The following MUC17 variants were observed in gnomAD, a reference collection of about 807,000 sequenced individuals.
MUC17 encodes mucin-17.
A neutral mutation model predicts 170.3 loss-of-function variants in MUC17; 190 were observed. That is an observed-to-expected ratio of 1.12 (90% confidence interval 0.99 to 1.26). MUC17 has a LOEUF of 1.26. MUC17 is among the 50% of genes most tolerant of loss of function. The pLI, the probability that MUC17 is intolerant of heterozygous loss-of-function variation, is 0.00. For missense variants in MUC17, 6,415 were observed against 5,530.0 expected, an observed-to-expected ratio of 1.16 and a Z score of -5.08; for synonymous variants, 2,325 against 2,002.5, an observed-to-expected ratio of 1.16 and a Z score of -4.30.
At chr7:101,026,489 A>G (rs1794180782) in intron 1 of MUC17, among the ~76,000 whole-genome samples, 1 of 152,220 alleles carries the variant, frequency 6.6e-6, no homozygotes, top group Non-Finnish European at 1.5e-5. Context: ...GTGCTGAGAT[A>G]ATGGGGCTGA....
rs2116468976 is a variant in MUC17 at position 101,047,854 on chromosome 7, T to A, written c.12404-130T>A. The A allele has an allele frequency of 3.5e-6, 4 of 1,129,896 alleles. No homozygotes were observed. In the South Asian group the frequency reaches 7.0e-5, roughly 20 times the overall value. 70.0% of individuals were successfully genotyped at this position (1,129,896 alleles called of 1,614,324 possible). A position where few individuals can be genotyped will look rare whatever the true frequency, so the allele number is the denominator to read the frequency against. ...CTCAAAAAACAAACAAATTAGACAG[T>A]GTCCGTGCAAACGCATTGTAAGCTG... On this transcript the variant is annotated intron_variant, in intron 3 of 12. Coordinates refer to ENST00000306151, the MANE Select transcript of MUC17 (RefSeq NM_001040105.2).
chr7:101,045,309 T>A (rs552273269), intron 3 of MUC17, among the ~76,000 whole-genome samples: 27 of 152,368 alleles, frequency 1.8e-4, no homozygotes, highest in African/African-American at 6.3e-4. Flanking sequence ...CTTCAGCTTT[T>A]GACTACTACA....
rs567129894 is a variant in MUC17 at position 101,031,855 on chromosome 7, G to C, written c.439G>C (p.Val147Leu). 6.2e-7 allele frequency: 1 copy of C among 1,614,118 alleles called. No individual in the cohort carries two copies. Among genetic ancestry groups the C allele is most frequent in the South Asian group, 1.1e-5 (1 of 91,082 alleles). The change falls in exon 3 of 13, where the codon GTG becomes CTG. Residue 147 changes from valine to leucine, a missense_variant. Val to Leu is a conservative substitution (Grantham distance 32, BLOSUM62 1). Coordinates refer to ENST00000306151, the MANE Select transcript of MUC17 (RefSeq NM_001040105.2). The part of the protein sequence containing the change: ...SSPTTPEGTD[V>L]PMSTPSEESI... ...TCCTACAACTCCTGAAGGCACCGAC[G>C]TGCCCATGTCAACACCAAGTGAAGA... is the stretch of plus-strand genomic sequence containing the variant.
In MUC17 at chr7:101,040,473, C is replaced by T; in HGVS notation, c.9057C>T (p.Thr3019=). The T allele has an allele frequency of 6.2e-7, 1 of 1,612,354 alleles. No homozygotes were observed. Among genetic ancestry groups the T allele is most frequent in the Non-Finnish European group, 8.5e-7 (1 of 1,179,246 alleles). ...RTPADTSTPV[T]TSTEASSSPT... is the part of the protein sequence containing the mutation. ...CTGCTGACACCAGCACACCTGTGAC[C>T]ACTTCTACTGAAGCCAGTTCCTCTC... Residue 3019 remains threonine (T), a synonymous_variant, in exon 3 of 13, where the codon ACC becomes ACT. Transcript: ENST00000306151.
At chr7:101,052,927 C>G in intron 9 of MUC17, 59 bp from the exon 10 acceptor site, 1 of 1,571,494 alleles carries the variant, frequency 6.4e-7, no homozygotes, top group Non-Finnish European at 8.6e-7. Context: ...GGGCCCAGGT[C>G]TGAAGCTGGT....
At position 101,034,423 on chromosome 7, in the gene MUC17, C is replaced by T. The variant is rs78330257; in HGVS notation, c.3007C>T (p.Leu1003Phe). Residue 1003 changes from leucine (L) to phenylalanine (F), a missense_variant, in exon 3 of 13, where the codon CTT becomes TTT. Transcript: ENST00000306151. ...TLVANSEAST[L>F]STTPVDSNTP... Reference sequence around the variant, plus strand: ...GGTGGCCAATTCTGAGGCTAGCACCCTTTCAACAACTCCTGTTGACTCCAA... The same window carrying T: ...GGTGGCCAATTCTGAGGCTAGCACCTTTTCAACAACTCCTGTTGACTCCAA... 0.068 allele frequency: 95,707 copies of T among 1,411,732 alleles called. No homozygotes were observed. The highest frequency in any genetic ancestry group is 0.21 in the African/African-American group (13,394 of 62,494). 87.5% of individuals were successfully genotyped at this position (1,411,732 alleles called of 1,614,324 possible).
chr7:101,036,807 C>A lies in MUC17; in HGVS notation c.5391C>A (p.Ser1797Arg). 3 of 1,605,636 alleles carry A rather than the reference C, an allele frequency of 1.9e-6. No individual in the cohort carries two copies. Among genetic ancestry groups the A allele is most frequent in the Non-Finnish European group, 2.6e-6 (3 of 1,175,660 alleles). The change falls in exon 3 of 13, where the codon AGC becomes AGA. Residue 1797 changes from serine (S) to arginine (R), a missense_variant. Ser to Arg is a moderately radical substitution (Grantham distance 110, BLOSUM62 -1). Transcript: ENST00000306151. Reference protein sequence around the residue: ...TSSPTTAEGTSIPTSTLSEGM... With the variant: ...TSSPTTAEGTRIPTSTLSEGM... ...CTCCTACAACTGCTGAAGGTACCAG[C>A]ATACCAACCTCGACTCTTAGTGAAG...
intron 3 of MUC17, among the ~76,000 whole-genome samples, chr7:101,045,010 G>A (rs1487930261): frequency 6.6e-6 from 1 of 152,080 alleles, no homozygotes; most frequent in East Asian, 1.9e-4. Context: ...TCTGACTCAA[G>A]AACTTTCACT....
chr7:101,040,829 C>A lies in MUC17; in HGVS notation c.9413C>A (p.Thr3138Asn), dbSNP rs768402298. The change falls in exon 3 of 13, where the codon ACT (threonine) becomes AAT (asparagine). Residue 3138 changes from threonine (T) to asparagine (N), a missense_variant. Coordinates refer to ENST00000306151, the MANE Select transcript of MUC17 (RefSeq NM_001040105.2). ...TPVDTSTPVTTSTEAHSSPTT... is the reference protein window; with the variant it reads ...TPVDTSTPVTNSTEAHSSPTT... ...GTTGACACCAGCACACCTGTGACCACTTCTACTGAAGCCCATTCATCTCCT... is the reference window on the plus strand; with the variant it reads ...GTTGACACCAGCACACCTGTGACCAATTCTACTGAAGCCCATTCATCTCCT... The A allele has an allele frequency of 3.7e-6, 6 of 1,613,558 alleles. No homozygotes were observed. Among genetic ancestry groups the A allele is most frequent in the East Asian group, 4.5e-5 (2 of 44,880 alleles).
rs1011902733 is a variant in MUC17, at chr7:101,043,628, C to G, written c.12212C>G (p.Ser4071Cys). The G allele has an allele frequency of 6.2e-7, 1 of 1,614,052 alleles. No homozygotes were observed. The highest frequency in any genetic ancestry group is 1.3e-5 in the African/African-American group (1 of 74,918). The change falls in exon 3 of 13, where the codon TCC becomes TGC. Residue 4071 changes from serine to cysteine, a missense_variant. Transcript: ENST00000306151. Reference protein sequence around the residue: ...TIPPTFPPAHSSTPPTTSASS... With the variant: ...TIPPTFPPAHCSTPPTTSASS... ...CCACCTACATTTCCTCCTGCTCACTCCAGTACACCTCCAACAACCTCTGCC... is the reference window on the plus strand; with the variant it reads ...CCACCTACATTTCCTCCTGCTCACTGCAGTACACCTCCAACAACCTCTGCC...
rs763880512 is a variant in MUC17, at chr7:101,043,297, G to A, written c.11881G>A (p.Val3961Ile). The A allele has an allele frequency of 3.1e-6, 5 of 1,614,140 alleles. No homozygotes were observed. In the African/African-American group the frequency reaches 4.0e-5, roughly 13 times the overall value. ...TGTCTTTCCTGCAACAACTGGTGCTGTATCTACCCCTGTGATAACTTCCAC... is the reference window on the plus strand; with the variant it reads ...TGTCTTTCCTGCAACAACTGGTGCTATATCTACCCCTGTGATAACTTCCAC... Reference protein sequence around the residue: ...ADVFPATTGAVSTPVITSTEL... With the variant: ...ADVFPATTGAISTPVITSTEL... Residue 3961 changes from valine (V) to isoleucine (I), a missense_variant, in exon 3 of 13, where the codon GTA (valine) becomes ATA (isoleucine). By Grantham distance (29) the Val-to-Ile change is conservative (BLOSUM62 3). Transcript: ENST00000306151.
intron 12 of MUC17, 102 bp downstream of exon 12, chr7:101,056,372 A>C: frequency 6.6e-7 from 1 of 1,518,966 alleles, no homozygotes; most frequent in Non-Finnish European, 8.9e-7. Context: ...AACCATGTTT[A>C]CAGTTTATTG....
rs1351160268 is a variant in MUC17, at chr7:101,042,696, C to T, written c.11280C>T (p.Val3760=). 1 of 1,613,722 alleles carries T rather than the reference C, an allele frequency of 6.2e-7. No homozygotes were observed. The highest frequency in any genetic ancestry group is 8.5e-7 in the Non-Finnish European group (1 of 1,180,046). The part of the protein sequence containing the change: ...EISTLGTTIL[V]STTPVTRFPE... ...GCACCCTTGGGACCACTATTCTTGT[C>T]AGTACCACACCTGTTACGAGGTTTC... The change falls in exon 3 of 13, where the codon GTC becomes GTT. Residue 3760 remains valine, a synonymous_variant. Transcript: ENST00000306151.
Position 101,040,917 on chromosome 7 carries a change from A to G in MUC17, c.9501A>G (p.Thr3167=). The change falls in exon 3 of 13, where the codon ACA becomes ACG. Residue 3167 remains threonine, a synonymous_variant. Transcript: ENST00000306151. Reference sequence around the variant, plus strand: ...CTAGTGAAGGAAGTACTCCATTAACATATATGCCTGTCAGCACCATGCTGG... The same window carrying G: ...CTAGTGAAGGAAGTACTCCATTAACGTATATGCCTGTCAGCACCATGCTGG... The part of the protein sequence containing the change: ...STPSEGSTPL[T]YMPVSTMLVV... The G allele has an allele frequency of 1.9e-6, 3 of 1,612,510 alleles. No individual in the cohort carries two copies. The highest frequency in any genetic ancestry group is 2.5e-6 in the Non-Finnish European group (3 of 1,179,810).
intron 9 of MUC17, among the ~76,000 whole-genome samples, chr7:101,052,233 C>T (rs1024454185): frequency 7.9e-5 from 12 of 151,998 alleles, no homozygotes; most frequent in Non-Finnish European, 1.3e-4. Flanking sequence ...GAAGGTTGTC[C>T]GACTGAGGGA....
At chr7:101,057,050 G>A (rs1488157287) in intron 12 of MUC17, among the ~76,000 whole-genome samples, 1 of 152,126 alleles carries the variant, frequency 6.6e-6, no homozygotes, top group African/African-American at 2.4e-5. Context: ...CTTAGTATCA[G>A]AGGTATTAGA....
intron 7 of MUC17, among the ~76,000 whole-genome samples, 189 bp downstream of exon 7, chr7:101,050,824 C>G (rs573426470): frequency 2.3e-4 from 35 of 152,216 alleles, no homozygotes; most frequent in African/African-American, 8.2e-4. Context: ...CTTTAACCTT[C>G]ATCATCCTCT....
In MUC17 at chr7:101,040,598, C is replaced by G. The variant is rs781155143; in HGVS notation, c.9182C>G (p.Pro3061Arg). 9 of 1,612,766 alleles carry G rather than the reference C, an allele frequency of 5.6e-6. No homozygotes were observed. The African/African-American group carries it at 1.2e-4, about 22-fold the overall frequency. The change falls in exon 3 of 13, where the codon CCT becomes CGT. Residue 3061 changes from proline to arginine, a missense_variant. Coordinates refer to ENST00000306151, the MANE Select transcript of MUC17 (RefSeq NM_001040105.2). Reference protein sequence around the residue: ...IPVSTTPVAIPEASTLSTTPV... With the variant: ...IPVSTTPVAIREASTLSTTPV... ...GTCAGCACCACGCCAGTGGCCATTC[C>G]TGAGGCTAGCACCCTTTCAACAACT...
chr7:101,044,119 CT>C (rs1794792361), intron 3 of MUC17, among the ~76,000 whole-genome samples: 1 of 152,144 alleles, frequency 6.6e-6, no homozygotes, highest in South Asian at 2.1e-4. Flanking sequence ...TGATAGTTTG[CT>C]CAGAATGATG....
Sources: allele counts gnomAD v4.1 joint callset (sites outside exome capture counted in the v4.1 genomes callset), GRCh38; gene constraint gnomAD v4.1.1; transcripts MANE v1.5; gene names NCBI Gene and HGNC (gene_info 2026-07-23, HGNC 2026-07-21).